ASAP1: variants seen among roughly 807,000 people sequenced by gnomAD.
ASAP1 encodes the protein arf-GAP with SH3 domain, ANK repeat and PH domain-containing protein 1.
ASAP1 carries 43 observed loss-of-function variants against 145.2 expected under a neutral mutation model. The observed-to-expected ratio is 0.30, with a 90% confidence interval of 0.23 to 0.38. The LOEUF (loss-of-function observed/expected upper bound fraction) is 0.38, where lower values mean the gene tolerates loss of function less well. ASAP1 is among the 10% of genes least tolerant of loss of function. The probability of loss-of-function intolerance (pLI) is 1.00; values close to 1 mark genes in which losing one functional copy is unlikely to be tolerated. For synonymous variants in ASAP1, 546 were observed against 515.5 expected (o/e 1.06, Z -0.80); for missense variants, 1,018 against 1,355.3 (o/e 0.75, Z 3.91).
chr8:130,069,632 A>C (rs2097438005), intron 27 of ASAP1: 1 of 152,108 alleles, frequency 6.6e-6, no homozygotes, highest in Admixed American at 6.5e-5. Flanking sequence ...ATTTTAGCAT[A>C]TGTGCTGCCG....
intron 24 of ASAP1, among the ~76,000 whole-genome samples, chr8:130,101,908 G>A (rs1266681315): frequency 1.3e-5 from 2 of 151,744 alleles, no homozygotes; most frequent in East Asian, 1.9e-4. Context: ...TGTTACTGGT[G>A]TATAGAAACA....
At chr8:130,134,828 TTTC>T (rs1380536581) in intron 14 of ASAP1, among the ~76,000 whole-genome samples, 2 of 152,234 alleles carry the variant, frequency 1.3e-5, no homozygotes, top group South Asian at 2.1e-4. Flanking sequence ...GTTACTGTGT[TTTC>T]TTTTTTTTTA....
chr8:130,170,764 CTG>C (rs1303637305), intron 9 of ASAP1, among the ~76,000 whole-genome samples: 2 of 152,184 alleles, frequency 1.3e-5, no homozygotes, highest in Non-Finnish European at 2.9e-5. Context: ...GGGTCTCACT[CTG>C]TCACCCACAC....
chr8:130,334,476 C>G (rs1217203570), intron 3 of ASAP1, among the ~76,000 whole-genome samples: 1 of 152,168 alleles, frequency 6.6e-6, no homozygotes, highest in Non-Finnish European at 1.5e-5. Context: ...AACTTTTAAA[C>G]CACAGGATGA....
At chr8:130,256,050 G>T (rs1819494920) in intron 3 of ASAP1, among the ~76,000 whole-genome samples, 1 of 152,160 alleles carries the variant, frequency 6.6e-6, no homozygotes, top group African/African-American at 2.4e-5. Context: ...AAGAGAGTGA[G>T]AGAATGTTCA....
intron 13 of ASAP1, among the ~76,000 whole-genome samples, chr8:130,146,475 G>A (rs1445627635): frequency 2.6e-5 from 4 of 152,088 alleles, no homozygotes; most frequent in Non-Finnish European, 5.9e-5. Context: ...TGACAGTGCT[G>A]CTTTCTAATC....
intron 3 of ASAP1, among the ~76,000 whole-genome samples, chr8:130,254,923 A>G (rs1243553714): frequency 6.6e-6 from 1 of 152,180 alleles, no homozygotes; most frequent in South Asian, 2.1e-4. Context: ...ATAATACCTT[A>G]TATCTTGCCA....
chr8:130,381,994 T>A (rs1409928629), intron 2 of ASAP1, among the ~76,000 whole-genome samples: 1 of 152,128 alleles, frequency 6.6e-6, no homozygotes, highest in Non-Finnish European at 1.5e-5. Context: ...CATCAGAAAT[T>A]ACCTTGTTCA....
At chr8:130,282,090 G>C (rs1210423989) in intron 3 of ASAP1, among the ~76,000 whole-genome samples, 1 of 150,426 alleles carries the variant, frequency 6.6e-6, no homozygotes, top group Non-Finnish European at 1.5e-5. Context: ...AAAAAGGAAT[G>C]GCATGGCAAA....
chr8:130,425,767 GAAA>G (rs1481098718), intron 1 of ASAP1, among the ~76,000 whole-genome samples: 1 of 152,180 alleles, frequency 6.6e-6, no homozygotes, highest in African/African-American at 2.4e-5. Context: ...GGACACTTAA[GAAA>G]GAAGACACAT....
At chr8:130,099,012 C>CT (rs61047760) in intron 24 of ASAP1, among the ~76,000 whole-genome samples, 34,254 of 115,990 alleles carry the variant, frequency 0.3, 6,375 homozygotes, top group South Asian at 0.41. Context: ...CTAATATAAG[C>CT]TTTTTTTTTT....
intron 3 of ASAP1, among the ~76,000 whole-genome samples, chr8:130,272,312 C>G (rs1173488318): frequency 6.6e-6 from 1 of 152,116 alleles, no homozygotes; most frequent in Non-Finnish European, 1.5e-5. Context: ...TTAGAATGGC[C>G]ATTAAAAACA....
chr8:130,177,719 T>C (rs1782524597), intron 9 of ASAP1, among the ~76,000 whole-genome samples: 1 of 152,238 alleles, frequency 6.6e-6, no homozygotes, highest in Non-Finnish European at 1.5e-5. Context: ...TCATCAAATT[T>C]ATGTAAACAA....
At chr8:130,385,352 G>A (rs1827963675) in intron 2 of ASAP1, among the ~76,000 whole-genome samples, 1 of 152,208 alleles carries the variant, frequency 6.6e-6, no homozygotes, top group Non-Finnish European at 1.5e-5. Context: ...AGAGACTTGA[G>A]TGTGTCTAAT....
chr8:130,242,980 T>C (rs11777909), intron 3 of ASAP1, among the ~76,000 whole-genome samples: 5,291 of 152,238 alleles, frequency 0.035, 125 homozygotes, highest in Middle Eastern at 0.065. Flanking sequence ...TTTTTTCTGA[T>C]GATCATCAAA....
At chr8:130,201,115 C>G (rs778194265) in intron 5 of ASAP1, among the ~76,000 whole-genome samples, 4 of 152,154 alleles carry the variant, frequency 2.6e-5, no homozygotes, top group Non-Finnish European at 1.5e-5. Context: ...AACAAGCTCT[C>G]AAGGTGAAAT....
chr8:130,276,233 G>T (rs982660331), intron 3 of ASAP1, among the ~76,000 whole-genome samples: 3 of 152,242 alleles, frequency 2.0e-5, no homozygotes, highest in Non-Finnish European at 4.4e-5. Context: ...AAGAAGGCTG[G>T]GGGGCACTGG....
At chr8:130,416,929 T>C (rs1829499416) in intron 1 of ASAP1, among the ~76,000 whole-genome samples, 1 of 152,248 alleles carries the variant, frequency 6.6e-6, no homozygotes, top group African/African-American at 2.4e-5. Flanking sequence ...TGAATGACTA[T>C]GACCCAAGTG....
chr8:130,172,632 G>A (rs1225412639), intron 9 of ASAP1, among the ~76,000 whole-genome samples: 1 of 152,082 alleles, frequency 6.6e-6, no homozygotes, highest in Non-Finnish European at 1.5e-5. Context: ...AGCCACGTGT[G>A]GCCAATGGGT....
Sources: gnomAD v4.1 joint callset for allele counts (sites outside exome capture counted in the v4.1 genomes callset) on GRCh38, gnomAD v4.1.1 for gene constraint, MANE v1.5 for transcripts, NCBI Gene and HGNC (gene_info 2026-07-23, HGNC 2026-07-21) for gene names.